The following COL18A1 variants were observed in gnomAD, a reference collection of about 807,000 sequenced individuals.
The protein encoded by COL18A1 is collagen type XVIII alpha 1 chain.
COL18A1 carries 133 observed loss-of-function variants against 168.0 expected under a neutral mutation model. The observed-to-expected ratio is 0.79, with a 90% confidence interval of 0.69 to 0.91. The LOEUF is 0.91. COL18A1 is among the 40% of genes least tolerant of loss of function. COL18A1 has a pLI of 0.00. For missense variants in COL18A1, 2,126 were observed against 1,925.4 expected (o/e 1.10, Z -1.95); for synonymous variants, 949 against 809.0 (o/e 1.17, Z -2.94).
rs1470543152 is a variant in COL18A1, at chr21:45,493,195, T to C, written c.2247T>C (p.Ser749=). ...GPAGPKGNLG[S]KGERGSPGPK... ...CAGGACCCAAGGGCAACCTGGGCTC[T>C]AAGGGCGAACGAGGCTCCCCGGGAC... Residue 749 remains serine, a synonymous_variant, in exon 25 of 42, where the codon TCT becomes TCC. Coordinates refer to ENST00000651438, the MANE Select transcript of COL18A1 (RefSeq NM_001379500.1). 6.4e-7 allele frequency: 1 copy of C among 1,563,462 alleles called. No homozygotes were observed. Among genetic ancestry groups the C allele is most frequent in the East Asian group, 2.4e-5 (1 of 42,000 alleles).
intron 37 of COL18A1, chr21:45,507,106 TGGGAGGGCTGGGTGCTGGGCA>T (rs1230330810): frequency 1.3e-4 from 40 of 301,554 alleles, no homozygotes; most frequent in Middle Eastern, 1.1e-3. Context: ...TGCCGTGGAC[TGGGAGGGCTGGGTGCTGGGCA>T]GGGAGGGCAC....
rs575200812 is a variant in COL18A1, at chr21:45,457,227, G to A, written c.107-11015G>A. ...GGAAACTGAGGCGTGGGGCAGTGGC[G>A]TGACTCACCCCAGGGAGCCGAGATT... On this transcript the variant is annotated intron_variant, in intron 2 of 41. Coordinates refer to ENST00000651438, the MANE Select transcript of COL18A1 (RefSeq NM_001379500.1). The surrounding 1 kb of genome is among the most constrained non-coding windows in gnomAD (Gnocchi z 4.6). Among the ~76,000 whole-genome samples the A allele has an allele frequency of 1.2e-4, 19 of 152,284 alleles. No homozygotes were observed. The South Asian group carries it at 2.7e-3, about 22-fold the overall frequency.
chr21:45,489,893 CCCTCCCCCACTTCCA>C (rs1394224232), intron 19 of COL18A1, among the ~76,000 whole-genome samples: 2 of 79,674 alleles, frequency 2.5e-5, no homozygotes, highest in African/African-American at 4.9e-5. Flanking sequence ...CCCGACTTCC[CCCTCCCCCACTTCCA>C]CCTGCCCCAC....
chr21:45,450,124 G>A (rs903616556), intron 2 of COL18A1, among the ~76,000 whole-genome samples: 3 of 152,142 alleles, frequency 2.0e-5, no homozygotes, highest in African/African-American at 7.2e-5. Context: ...CCCAGGTTTC[G>A]CTCCCTGGAA....
intron 15 of COL18A1, among the ~76,000 whole-genome samples, 194 bp downstream of exon 15, chr21:45,483,015 G>A (rs906459193): frequency 6.6e-6 from 1 of 152,226 alleles, no homozygotes; most frequent in African/African-American, 2.4e-5. Context: ...CTGGCGAGGT[G>A]GCTTCGGCCC....
chr21:45,427,880 G>A (rs1270641621), intron 2 of COL18A1, among the ~76,000 whole-genome samples: 1 of 152,186 alleles, frequency 6.6e-6, no homozygotes, highest in South Asian at 2.1e-4. Context: ...CCTGACTAAT[G>A]AGCCCAGGTG....
intron 2 of COL18A1, chr21:45,456,313 G>A (rs779419485): frequency 1.1e-5 from 17 of 1,551,720 alleles, no homozygotes; most frequent in South Asian, 3.5e-5. Context: ...GCCTGCGCAC[G>A]CCACTTCTGC....
rs150456988 is a variant in COL18A1 at position 45,454,260 on chromosome 21, C to T, written c.107-13982C>T. Among the ~76,000 whole-genome samples, 245 of 152,266 alleles carry T rather than the reference C, an allele frequency of 1.6e-3. 1 individual carries two copies. Among genetic ancestry groups the T allele is most frequent in the African/African-American group, 5.7e-3 (237 of 41,552 alleles). ...AAGCAGCCCAGCCCTGCCCTGTGGA[C>T]AGCAATCGACCGATGGCTACAGCAT... is the stretch of plus-strand genomic sequence containing the variant. On this transcript the variant is annotated intron_variant, in intron 2 of 41. Transcript: ENST00000651438.
rs1190028706 is a variant in COL18A1 at position 45,495,347 on chromosome 21, C to G, written c.2434-11C>G. ...TGCCCAGCAGTCCCCACCCCCTGTG[C>G]TCCGCCCCAGGGTCGCCCCGGGATG... On this transcript the variant is annotated splice_polypyrimidine_tract_variant and intron_variant, in intron 28 of 41. Transcript: ENST00000651438. 10 of 1,602,112 alleles carry G rather than the reference C, an allele frequency of 6.2e-6. No individual in the cohort carries two copies. The highest frequency in any genetic ancestry group is 8.5e-6 in the Non-Finnish European group (10 of 1,173,760).
rs748210520 is a variant in COL18A1 at position 45,505,382 on chromosome 21, G to GC, written c.3044dup (p.Gly1016TrpfsTer71). On this transcript the variant is annotated frameshift_variant, in exon 36 of 42. Coordinates refer to ENST00000651438, the MANE Select transcript of COL18A1 (RefSeq NM_001379500.1). LOFTEE classifies it high-confidence loss of function. The stretch of plus-strand genomic sequence containing the variant: ...GCTATCAGCGTTCCCGGCCCTCCGG[G>GC]CCCCCCTGGGCCCCCTGGGCCCCCT... 4 of 1,591,426 alleles carry GC rather than the reference G, an allele frequency of 2.5e-6. No individual in the cohort carries two copies. The highest frequency in any genetic ancestry group is 1.3e-5 in the African/African-American group (1 of 74,534).
chr21:45,456,502 G>A, intron 2 of COL18A1: 1 of 1,548,424 alleles, frequency 6.5e-7, no homozygotes, highest in Non-Finnish European at 8.7e-7. Context: ...CCCTGCTCGG[G>A]GCTGACCCCG....
Position 45,468,289 on chromosome 21 carries a change from C to T in COL18A1, c.154C>T (p.Pro52Ser). The change falls in exon 3 of 42, where the codon CCG (proline) becomes TCG (serine). Residue 52 changes from proline (P) to serine (S), a missense_variant. By Grantham distance (74) the Pro-to-Ser change is moderately conservative. Coordinates refer to ENST00000651438, the MANE Select transcript of COL18A1 (RefSeq NM_001379500.1). ...VGLLQLLGDP[P>S]PQQVTQTDDP... ...GCTGCTGCAGCTCCTTGGGGACCCC[C>T]CGCCCCAGCAGGTCACCCAGACGGA... The T allele has an allele frequency of 6.2e-7, 1 of 1,613,250 alleles. No homozygotes were observed. The highest frequency in any genetic ancestry group is 8.5e-7 in the Non-Finnish European group (1 of 1,180,040).
rs527984474 is a variant in COL18A1 at position 45,455,421 on chromosome 21, AGAG to A, written c.107-12819_107-12817del. The A allele has an allele frequency of 2.0e-5, 30 of 1,496,300 alleles. No homozygotes were observed. The African/African-American group carries it at 3.8e-4, about 19-fold the overall frequency. The allele number at this position is 1,496,300 out of a possible 1,614,324, so 92.7% of individuals were successfully genotyped here. A position where few individuals can be genotyped will look rare whatever the true frequency, so the allele number is the denominator to read the frequency against. The stretch of plus-strand genomic sequence containing the variant: ...AGTGGGGGGTGGAAGACAGCCGGCC[AGAG>A]GCTGGGAAGCCTGCACAGGGGAGGG... On this transcript the variant is annotated intron_variant, in intron 2 of 41. Coordinates refer to ENST00000651438, the MANE Select transcript of COL18A1 (RefSeq NM_001379500.1).
intron 38 of COL18A1, among the ~76,000 whole-genome samples, chr21:45,509,053 T>C (rs531043576): frequency 6.6e-6 from 1 of 152,046 alleles, no homozygotes; most frequent in African/African-American, 2.4e-5. Context: ...GGGCCCTGAA[T>C]TGGAGCCGCG....
At chr21:45,476,324 C>A in intron 5 of COL18A1, 27 bp from the exon 6 acceptor site, 2 of 1,613,604 alleles carry the variant, frequency 1.2e-6, no homozygotes, top group Non-Finnish European at 8.5e-7. Flanking sequence ...GGCCGAATAA[C>A]AGGCCACCTC....
At chr21:45,405,785 C>T (rs979628625) in intron 2 of COL18A1, among the ~76,000 whole-genome samples, 1 of 151,342 alleles carries the variant, frequency 6.6e-6, no homozygotes, top group East Asian at 2.0e-4. Context: ...GGCGGGGCCG[C>T]GGGGTCTCGG....
At chr21:45,507,354 A>C (rs2037274871) in intron 37 of COL18A1, 1 of 613,154 alleles carries the variant, frequency 1.6e-6, no homozygotes, top group Non-Finnish European at 2.9e-6. Context: ...CAGGGAGGGC[A>C]CCCTGCTGTG....
At position 45,512,327 on chromosome 21, in the gene COL18A1, A is replaced by C. The variant is rs1414960073; in HGVS notation, c.3949A>C (p.Ser1317Arg). Residue 1317 changes from serine to arginine, a missense_variant, in exon 42 of 42, where the codon AGT becomes CGT. By Grantham distance (110) the Ser-to-Arg change is moderately radical. Coordinates refer to ENST00000651438, the MANE Select transcript of COL18A1 (RefSeq NM_001379500.1). ...SLLGGRLLGQ[S>R]AASCHHAYIV... ...GCTGGGGGGCAGGCTCCTGGGGCAG[A>C]GTGCCGCGAGCTGCCATCACGCCTA... is the stretch of plus-strand genomic sequence containing the variant. 1 of 1,612,562 alleles carries C rather than the reference A, an allele frequency of 6.2e-7. No individual in the cohort carries two copies. The highest frequency in any genetic ancestry group is 1.7e-5 in the Admixed American group (1 of 59,996).
At position 45,487,741 on chromosome 21, in the gene COL18A1, C is replaced by G. The variant is rs1337498367; in HGVS notation, c.1896+232C>G. On this transcript the variant is annotated intron_variant, in intron 17 of 41. Coordinates refer to ENST00000651438, the MANE Select transcript of COL18A1 (RefSeq NM_001379500.1). ...AGGGCCTGGTCTGCAAAGTGGGAGA[C>G]ACTGTGAGTGGTCAAGACAAAGGAA... 41 of 671,292 alleles carry G rather than the reference C, an allele frequency of 6.1e-5. No homozygotes were observed. In the East Asian group the frequency reaches 1.1e-3, roughly 19 times the overall value. The allele number at this position is 671,292 out of a possible 1,614,324, so 41.6% of individuals were successfully genotyped here. A position where few individuals can be genotyped will look rare whatever the true frequency, so the allele number is the denominator to read the frequency against.
Sources: gnomAD v4.1 joint callset for allele counts (sites outside exome capture counted in the v4.1 genomes callset) on GRCh38, gnomAD v4.1.1 for gene constraint, Gnocchi (gnomAD v3.1) non-coding constraint, MANE v1.5 for transcripts, NCBI Gene and HGNC (gene_info 2026-07-23, HGNC 2026-07-21) for gene names.